Variants in CERS3 observed in about 807,000 individuals in gnomAD.
CERS3 encodes the protein ceramide synthase 3.
In CERS3, 33 loss-of-function variants were observed where a neutral mutation model predicts 50.3. That is an observed-to-expected ratio of 0.66 (90% CI 0.50 to 0.88). The LOEUF (loss-of-function observed/expected upper bound fraction) is 0.88. CERS3 is among the 40% of genes least tolerant of loss of function. The probability of loss-of-function intolerance (pLI) is 0.00; values close to 1 mark genes in which losing one functional copy is unlikely to be tolerated. For synonymous variants in CERS3, 176 were observed against 155.2 expected, an observed-to-expected ratio of 1.13 and a Z score of -0.99; for missense variants, 470 against 460.3, an observed-to-expected ratio of 1.02 and a Z score of -0.19.
chr15:100,515,009 A>G (rs1190918010), intron 2 of CERS3, among the ~76,000 whole-genome samples: 2 of 152,248 alleles, frequency 1.3e-5, no homozygotes, highest in Non-Finnish European at 2.9e-5. Flanking sequence ...AGTCCCAGGG[A>G]AATAAAATTG....
intron 1 of CERS3, among the ~76,000 whole-genome samples, chr15:100,526,478 C>CTGTGTGTGTG (rs1217852084): frequency 0.11 from 13,861 of 131,398 alleles, 894 homozygotes; most frequent in African/African-American, 0.16. Flanking sequence ...CCTACATAAA[C>CTGTGTGTGTG]TGTGTGTGTG....
At chr15:100,503,626 C>T in intron 2 of CERS3, 1 of 462,882 alleles carries the variant, frequency 2.2e-6, no homozygotes, top group Non-Finnish European at 4.5e-6. Flanking sequence ...TAGGCAGACA[C>T]AGCTCTACCA....
intron 3 of CERS3, among the ~76,000 whole-genome samples, chr15:100,491,368 T>G (rs2035647390): frequency 6.6e-6 from 1 of 152,146 alleles, no homozygotes; most frequent in Non-Finnish European, 1.5e-5. Context: ...AAATACGTAA[T>G]AATAGGATTG....
At chr15:100,543,485 T>G (rs1360706737) in intron 1 of CERS3, among the ~76,000 whole-genome samples, 1 of 150,490 alleles carries the variant, frequency 6.6e-6, no homozygotes, top group Non-Finnish European at 1.5e-5. Context: ...AGAGAAGGCT[T>G]CCTTCCTTCC....
At chr15:100,450,102 C>T (rs1261733069) in intron 11 of CERS3, among the ~76,000 whole-genome samples, 1 of 151,872 alleles carries the variant, frequency 6.6e-6, no homozygotes, top group Admixed American at 6.6e-5. Flanking sequence ...GAATGAAATA[C>T]AAAATACTTT....
At chr15:100,439,967 A>C (rs1034484116) in intron 11 of CERS3, among the ~76,000 whole-genome samples, 17 of 152,216 alleles carry the variant, frequency 1.1e-4, no homozygotes, top group African/African-American at 3.9e-4. Context: ...GACCCATTAG[A>C]GATCAGACAT....
At chr15:100,527,741 T>C (rs982922946) in intron 1 of CERS3, among the ~76,000 whole-genome samples, 1 of 152,242 alleles carries the variant, frequency 6.6e-6, no homozygotes, top group African/African-American at 2.4e-5. Context: ...ACTTAGTAAA[T>C]GTAGATTATT....
intron 11 of CERS3, among the ~76,000 whole-genome samples, chr15:100,421,185 C>T: frequency 6.6e-6 from 1 of 151,590 alleles, no homozygotes; most frequent in Non-Finnish European, 1.5e-5. Context: ...TAGAAAACCC[C>T]ATTGTCTCAG....
intron 4 of CERS3, 71 bp downstream of exon 4, chr15:100,490,746 G>A (rs778367643): frequency 2.2e-6 from 2 of 890,032 alleles, no homozygotes; most frequent in African/African-American, 3.3e-5. Context: ...GCACACACAA[G>A]GTAAGCTATA....
chr15:100,446,589 G>A (rs532749612), intron 11 of CERS3, among the ~76,000 whole-genome samples: 1 of 152,232 alleles, frequency 6.6e-6, no homozygotes, highest in South Asian at 2.1e-4. Flanking sequence ...CTAACTGCCA[G>A]CATCCTTGGT....
chr15:100,537,868 A>G (rs1195463695), intron 1 of CERS3, among the ~76,000 whole-genome samples: 7 of 152,280 alleles, frequency 4.6e-5, no homozygotes, highest in African/African-American at 1.4e-4. Context: ...TCCAAGTCCA[A>G]AGTTTCATCT....
At chr15:100,507,469 C>G (rs2036219239) in intron 2 of CERS3, among the ~76,000 whole-genome samples, 1 of 152,208 alleles carries the variant, frequency 6.6e-6, no homozygotes, top group Non-Finnish European at 1.5e-5. Context: ...AGACTGTTAG[C>G]AACAAACAAG....
Position 100,479,995 on chromosome 15 carries a change from A to G in CERS3, c.459T>C (p.Leu153=). 1 of 1,606,320 alleles carries G rather than the reference A, an allele frequency of 6.2e-7. No individual in the cohort carries two copies. Among genetic ancestry groups the G allele is most frequent in the Non-Finnish European group, 8.5e-7 (1 of 1,176,974 alleles). The change falls in exon 6 of 12, where the codon CTT becomes CTC. Residue 153 remains leucine (L), a synonymous_variant. Transcript: ENST00000679737. ...ATATAAAAAGATAACTTACATCATA[A>G]AGAAACGCAATTCCAGCAACAGTGA... The part of the protein sequence containing the change: ...LMITVAGIAF[L]YDKPWLYDLW...
intron 11 of CERS3, among the ~76,000 whole-genome samples, chr15:100,446,515 G>A (rs1596677281): frequency 6.6e-6 from 1 of 151,970 alleles, no homozygotes; most frequent in South Asian, 2.1e-4. Context: ...GATCTTTGAG[G>A]CACATTTACT....
intron 2 of CERS3, among the ~76,000 whole-genome samples, chr15:100,504,241 T>G (rs2036103400): frequency 1.5e-4 from 1 of 6,852 alleles, no homozygotes; most frequent in Non-Finnish European, 1.1e-3. Flanking sequence ...GGACTATTCT[T>G]TTTTTTTTTT....
Position 100,464,547 on chromosome 15 carries a change from G to C in CERS3, c.845+4831C>G, listed in dbSNP as rs115450241. ...GGTGGACCTACCTGCGTGGAACCACGATCTGCTCTTGTTATTTGTGGAGGA... is the reference window on the plus strand; with the variant it reads ...GGTGGACCTACCTGCGTGGAACCACCATCTGCTCTTGTTATTTGTGGAGGA... On this transcript the variant is annotated intron_variant, in intron 10 of 11. Coordinates refer to ENST00000679737, the MANE Select transcript of CERS3 (RefSeq NM_001378789.1). Among the ~76,000 whole-genome samples the C allele has an allele frequency of 5.7e-3, 870 of 152,316 alleles. 12 individuals carry two copies. Among genetic ancestry groups the C allele is most frequent in the African/African-American group, 0.02 (815 of 41,568 alleles).
At chr15:100,502,654 G>C (rs2036047591) in intron 2 of CERS3, among the ~76,000 whole-genome samples, 1 of 152,192 alleles carries the variant, frequency 6.6e-6, no homozygotes, top group South Asian at 2.1e-4. Context: ...TCTATGTAAA[G>C]GAATATTTAT....
At chr15:100,535,091 T>C (rs1280773676) in intron 1 of CERS3, among the ~76,000 whole-genome samples, 1 of 152,248 alleles carries the variant, frequency 6.6e-6, no homozygotes, top group Non-Finnish European at 1.5e-5. Flanking sequence ...CTTCAGGACC[T>C]CCTGAGGCTG....
intron 11 of CERS3, chr15:100,425,874 G>T (rs1485149333): frequency 6.7e-6 from 1 of 150,004 alleles, no homozygotes; most frequent in African/African-American, 2.4e-5. Context: ...GGAGGTGACT[G>T]GATCAAGGGG....
Sources: gnomAD v4.1 joint callset for allele counts (sites outside exome capture counted in the v4.1 genomes callset) on GRCh38, gnomAD v4.1.1 for gene constraint, MANE v1.5 for transcripts, NCBI Gene and HGNC (gene_info 2026-07-23, HGNC 2026-07-21) for gene names.